The following XKR9 variants were observed in gnomAD, a reference collection of about 807,000 sequenced individuals.
XKR9 encodes the protein XK-related protein 9.
In XKR9, 32 loss-of-function variants were observed where a neutral mutation model predicts 32.0. The ratio of observed to expected loss-of-function variants is 1.00; its 90% CI spans 0.76 to 1.34. The LOEUF (loss-of-function observed/expected upper bound fraction) is 1.34, where lower values mean the gene tolerates loss of function less well. Among genes scored for constraint, XKR9 ranks in the 40% most tolerant of loss-of-function variants. The pLI is 0.00. For synonymous variants in XKR9, 168 were observed against 143.4 expected, an observed-to-expected ratio of 1.17 and a Z score of -1.22; for missense variants, 546 against 429.7, an observed-to-expected ratio of 1.27 and a Z score of -2.39.
the XKR9 span, among the ~76,000 whole-genome samples, chr8:70,799,524 G>A: frequency 2.6e-5 from 4 of 151,942 alleles, no homozygotes; most frequent in Non-Finnish European, 5.9e-5. Context: ...TAGAGACAGG[G>A]TTTCACCATG....
the XKR9 span, among the ~76,000 whole-genome samples, chr8:70,954,668 C>T: frequency 2.0e-3 from 299 of 152,310 alleles, 2 homozygotes; most frequent in African/African-American, 7.0e-3. Context: ...CATTTCAATT[C>T]AGTGAGTGCT....
chr8:70,992,010 C>T, the XKR9 span, among the ~76,000 whole-genome samples: 1 of 152,200 alleles, frequency 6.6e-6, no homozygotes, highest in Non-Finnish European at 1.5e-5. Context: ...ATATTAATTG[C>T]AGATAATCCT....
chr8:70,688,253 G>A (rs1041642140), intron 3 of XKR9, among the ~76,000 whole-genome samples: 4 of 152,154 alleles, frequency 2.6e-5, no homozygotes, highest in African/African-American at 9.7e-5. Context: ...AAATGTGTGT[G>A]TCTTTGGCGT....
At chr8:70,704,383 G>A (rs1257576713) in intron 3 of XKR9, among the ~76,000 whole-genome samples, 3 of 152,130 alleles carry the variant, frequency 2.0e-5, no homozygotes, top group Non-Finnish European at 2.9e-5. Flanking sequence ...ATTAAAATGT[G>A]TACATTTGTA....
chr8:70,961,788 G>A, the XKR9 span, among the ~76,000 whole-genome samples: 1 of 151,854 alleles, frequency 6.6e-6, no homozygotes, highest in African/African-American at 2.4e-5. Context: ...AGCACTACAG[G>A]ATTTTTTTTC....
At position 70,776,947 on chromosome 8, in the gene XKR9, C is replaced by CTCTCTCTCTCTCTCTATATA; in HGVS notation, n.353-12391_353-12390insCTCTCTCTCTCTCTATATAT. Among the ~76,000 whole-genome samples the CTCTCTCTCTCTCTCTATATA allele has an allele frequency of 2.8e-3, 150 of 54,182 alleles. 1 individual carries two copies. The highest frequency in any genetic ancestry group is 0.013 in the East Asian group (31 of 2,448). 35.5% of individuals were successfully genotyped at this position (54,182 alleles called of 152,430 possible). On this transcript the variant is annotated intron_variant and non_coding_transcript_variant, in intron 2 of 3. Coordinates refer to the XKR9 transcript ENST00000520273. ...TTTCTCTCTCTCTCTCTCTCTCTCT[C>CTCTCTCTCTCTCTCTATATA]TATATATATATATATATGTATGTAT...
At chr8:70,762,526 C>A (rs35074484) in intron 2 of XKR9, among the ~76,000 whole-genome samples, 48,487 of 152,032 alleles carry the variant, frequency 0.32, 9,095 homozygotes, top group Non-Finnish European at 0.43. Flanking sequence ...GAGAATCTAA[C>A]GCCAGATGAT....
chr8:70,844,614 CT>C, the XKR9 span, among the ~76,000 whole-genome samples: 1 of 152,230 alleles, frequency 6.6e-6, no homozygotes, highest in South Asian at 2.1e-4. Flanking sequence ...CTGCTCACCC[CT>C]ACTTCTCTCA....
chr8:70,913,187 T>G, the XKR9 span, among the ~76,000 whole-genome samples: 4 of 152,178 alleles, frequency 2.6e-5, no homozygotes, highest in Non-Finnish European at 4.4e-5. Flanking sequence ...ATAAGAAACA[T>G]ACATTTTAAA....
chr8:70,795,204 C>T (rs1409552366), downstream of XKR9, among the ~76,000 whole-genome samples: 1 of 152,002 alleles, frequency 6.6e-6, no homozygotes, highest in African/African-American at 2.4e-5. Context: ...TTATTTAGCT[C>T]CCACTTGTAA....
At chr8:70,983,899 AT>A in the XKR9 span, among the ~76,000 whole-genome samples, 15,405 of 152,252 alleles carry the variant, frequency 0.1, 857 homozygotes, top group Middle Eastern at 0.14. Context: ...AGCGAATGTA[AT>A]TTCTAGCTCA....
At chr8:70,702,388 AT>A (rs1420259083) in intron 3 of XKR9, among the ~76,000 whole-genome samples, 1 of 152,154 alleles carries the variant, frequency 6.6e-6, no homozygotes, top group Admixed American at 6.5e-5. Flanking sequence ...TTTGAAAAGA[AT>A]TTTTAACTTT....
chr8:70,859,210 CA>C, the XKR9 span, among the ~76,000 whole-genome samples: 1 of 151,786 alleles, frequency 6.6e-6, no homozygotes, highest in African/African-American at 2.4e-5. Flanking sequence ...AGATATTTCT[CA>C]AAAAAAGACA....
chr8:70,833,124 C>T, the XKR9 span, among the ~76,000 whole-genome samples: 1 of 152,158 alleles, frequency 6.6e-6, no homozygotes, highest in African/African-American at 2.4e-5. Context: ...AGCTTTTATA[C>T]ATCCAAGGGA....
chr8:70,828,754 T>C, the XKR9 span, among the ~76,000 whole-genome samples: 1 of 148,232 alleles, frequency 6.7e-6, no homozygotes, highest in Non-Finnish European at 1.5e-5. Flanking sequence ...AAAGAAAGAC[T>C]GGTGGGAAGA....
At chr8:70,766,639 T>C (rs1457610377) in intron 2 of XKR9, among the ~76,000 whole-genome samples, 1 of 152,190 alleles carries the variant, frequency 6.6e-6, no homozygotes, top group Non-Finnish European at 1.5e-5. Context: ...CTATGTTTAA[T>C]TGGAGTGGTG....
chr8:70,982,234 G>C, the XKR9 span, among the ~76,000 whole-genome samples: 1 of 152,326 alleles, frequency 6.6e-6, no homozygotes, highest in South Asian at 2.1e-4. Flanking sequence ...ATGGTGGGCA[G>C]GGCCATAGAG....
At chr8:70,856,120 C>T in the XKR9 span, among the ~76,000 whole-genome samples, 73 of 152,284 alleles carry the variant, frequency 4.8e-4, no homozygotes, top group African/African-American at 1.7e-3. Context: ...CAAATGCACA[C>T]ATAACAATAT....
At chr8:70,727,223 T>C (rs914794521) in intron 4 of XKR9, among the ~76,000 whole-genome samples, 9 of 152,140 alleles carry the variant, frequency 5.9e-5, no homozygotes, top group African/African-American at 2.2e-4. Flanking sequence ...GTCCCTTTGT[T>C]TATGTGTTAA....
Sources: gnomAD v4.1 joint callset for allele counts (sites outside exome capture counted in the v4.1 genomes callset) on GRCh38, gnomAD v4.1.1 for gene constraint, MANE v1.5 for transcripts, NCBI Gene and HGNC (gene_info 2026-07-23, HGNC 2026-07-21) for gene names.